SPAG16: variants seen among roughly 807,000 people sequenced by gnomAD.
SPAG16 encodes the protein sperm-associated antigen 16 protein.
SPAG16 carries 86 observed loss-of-function variants against 80.4 expected under a neutral mutation model. The observed-to-expected ratio is 1.07, with a 90% CI of 0.90 to 1.28. The LOEUF (loss-of-function observed/expected upper bound fraction) is 1.28. SPAG16 is among the 50% of genes most tolerant of loss of function. The probability of loss-of-function intolerance (pLI) is 0.00; values close to 1 mark genes in which losing one functional copy is unlikely to be tolerated. For synonymous variants in SPAG16, 294 were observed against 265.9 expected (o/e 1.11, Z -1.03); for missense variants, 870 against 765.3 (o/e 1.14, Z -1.61).
At chr2:214,172,168 A>G (rs1475642662) in intron 15 of SPAG16, among the ~76,000 whole-genome samples, 1 of 151,936 alleles carries the variant, frequency 6.6e-6, no homozygotes, top group Non-Finnish European at 1.5e-5. Flanking sequence ...ATATGTATAC[A>G]TGTGCCATGC....
chr2:213,452,988 A>T (rs1405517188), intron 9 of SPAG16, among the ~76,000 whole-genome samples: 7 of 152,184 alleles, frequency 4.6e-5, no homozygotes, highest in Non-Finnish European at 1.0e-4. Flanking sequence ...TTTTAAGGCT[A>T]TTAGTTCCTA....
chr2:213,362,161 T>C (rs1359694242), intron 7 of SPAG16, among the ~76,000 whole-genome samples: 1 of 152,220 alleles, frequency 6.6e-6, no homozygotes, highest in East Asian at 1.9e-4. Context: ...TTCCTCATTA[T>C]AGGAATCCAA....
In SPAG16 at chr2:214,291,931, T is replaced by A. The variant is rs551690850; in HGVS notation, c.1721-118209T>A. ...GATTTAGGAGTCCCTTAAGCATTTC[T>A]TGTAGGGCCAGTGAAGGGCCATCAG... On this transcript the variant is annotated intron_variant, in intron 15 of 15. Transcript: ENST00000331683. Among the ~76,000 whole-genome samples the A allele has an allele frequency of 2.6e-5, 4 of 152,356 alleles. No homozygotes were observed. The South Asian group carries it at 8.3e-4, about 32-fold the overall frequency.
At chr2:214,075,629 A>G (rs2051036823) in intron 13 of SPAG16, among the ~76,000 whole-genome samples, 1 of 152,208 alleles carries the variant, frequency 6.6e-6, no homozygotes, top group Non-Finnish European at 1.5e-5. Context: ...GAAAAACTTC[A>G]TATCCTCAGG....
At chr2:213,359,906 C>T (rs373960744) in intron 7 of SPAG16, among the ~76,000 whole-genome samples, 4 of 152,210 alleles carry the variant, frequency 2.6e-5, no homozygotes, top group East Asian at 1.9e-4. Flanking sequence ...ATCTTGGAAA[C>T]GACCTTAATT....
chr2:213,776,918 T>G (rs2069625365), intron 10 of SPAG16, among the ~76,000 whole-genome samples: 1 of 143,604 alleles, frequency 7.0e-6, no homozygotes, highest in Admixed American at 7.4e-5. Flanking sequence ...AAAAATTTCA[T>G]AAGAAGGAAA....
At chr2:213,410,484 T>C (rs1305687249) in intron 9 of SPAG16, among the ~76,000 whole-genome samples, 2 of 152,184 alleles carry the variant, frequency 1.3e-5, no homozygotes, top group African/African-American at 4.8e-5. Flanking sequence ...GCCCCCGATG[T>C]AGAGCTTTTA....
intron 8 of SPAG16, among the ~76,000 whole-genome samples, chr2:213,369,518 C>T (rs1434844712): frequency 1.3e-5 from 2 of 152,074 alleles, no homozygotes; most frequent in South Asian, 4.1e-4. Context: ...TGTACAATTA[C>T]AGTGCATAAT....
At chr2:213,846,556 T>G (rs2125771133) in intron 10 of SPAG16, among the ~76,000 whole-genome samples, 1 of 152,094 alleles carries the variant, frequency 6.6e-6, no homozygotes, top group African/African-American at 2.4e-5. Context: ...TCCATCTAGT[T>G]AATTTGACAC....
At chr2:214,120,040 A>G (rs560245336) in intron 14 of SPAG16, among the ~76,000 whole-genome samples, 1 of 151,880 alleles carries the variant, frequency 6.6e-6, no homozygotes, top group South Asian at 2.1e-4. Flanking sequence ...TCTGGACTTG[A>G]TGTGTCTTCT....
At chr2:214,010,824 T>C (rs2047246865) in intron 12 of SPAG16, among the ~76,000 whole-genome samples, 1 of 146,620 alleles carries the variant, frequency 6.8e-6, no homozygotes, top group African/African-American at 2.7e-5. Flanking sequence ...GTGATGATTT[T>C]TGATATTCTA....
intron 11 of SPAG16, among the ~76,000 whole-genome samples, chr2:213,885,502 A>G (rs2076520388): frequency 6.6e-6 from 1 of 152,188 alleles, no homozygotes; most frequent in Admixed American, 6.5e-5. Flanking sequence ...TTTATCAGTT[A>G]CAAAAATTAA....
intron 10 of SPAG16, among the ~76,000 whole-genome samples, chr2:213,780,814 G>A (rs1053506803): frequency 6.6e-6 from 1 of 151,778 alleles, no homozygotes; most frequent in African/African-American, 2.4e-5. Flanking sequence ...ATAAATACTT[G>A]GCTATCTATA....
intron 15 of SPAG16, among the ~76,000 whole-genome samples, chr2:214,204,548 C>G (rs1476861077): frequency 2.6e-5 from 4 of 152,192 alleles, no homozygotes; most frequent in African/African-American, 9.6e-5. Flanking sequence ...ACTGGTAGTT[C>G]CACTGGATGG....
At chr2:214,236,315 G>T (rs1427453587) in intron 15 of SPAG16, among the ~76,000 whole-genome samples, 3 of 152,132 alleles carry the variant, frequency 2.0e-5, no homozygotes, top group African/African-American at 7.2e-5. Flanking sequence ...TGCTTATAAA[G>T]AATTACTATT....
At chr2:213,354,298 T>G (rs1265663159) in intron 7 of SPAG16, among the ~76,000 whole-genome samples, 9 of 152,224 alleles carry the variant, frequency 5.9e-5, no homozygotes, top group African/African-American at 2.2e-4. Context: ...GATGGACATT[T>G]GGGTTGGTTC....
intron 10 of SPAG16, among the ~76,000 whole-genome samples, chr2:213,800,750 A>G (rs1252787196): frequency 6.6e-6 from 1 of 152,190 alleles, no homozygotes; most frequent in Non-Finnish European, 1.5e-5. Flanking sequence ...TCTAAATCTC[A>G]TACCAAATTT....
At chr2:213,369,665 C>T (rs2066523790) in intron 8 of SPAG16, among the ~76,000 whole-genome samples, 1 of 152,072 alleles carries the variant, frequency 6.6e-6, no homozygotes, top group Non-Finnish European at 1.5e-5. Flanking sequence ...GGATGATGTC[C>T]TTAGGACCTG....
intron 9 of SPAG16, among the ~76,000 whole-genome samples, chr2:213,481,373 A>G (rs2073741221): frequency 6.6e-6 from 1 of 152,194 alleles, no homozygotes; most frequent in Admixed American, 6.5e-5. Flanking sequence ...TTTATTGATA[A>G]ATGTCCAATT....
Sources: allele counts gnomAD v4.1 joint callset (sites outside exome capture counted in the v4.1 genomes callset), GRCh38; gene constraint gnomAD v4.1.1; transcripts MANE v1.5; gene names NCBI Gene and HGNC (gene_info 2026-07-23, HGNC 2026-07-21).